The following AFF3 variants were observed in gnomAD, a reference collection of about 807,000 sequenced individuals.
AFF3 encodes ALF transcription elongation factor 3, also known as AF4/FMR2 family member 3.
AFF3 carries 32 observed loss-of-function variants against 129.7 expected under a neutral mutation model. The ratio of observed to expected loss-of-function variants is 0.25; its 90% CI spans 0.19 to 0.33. AFF3 has a LOEUF of 0.33. AFF3 is among the 10% of genes least tolerant of loss of function. AFF3 has a pLI of 1.00. For synonymous variants in AFF3, 644 were observed against 635.4 expected (o/e 1.01, Z -0.20); for missense variants, 1,373 against 1,592.0 (o/e 0.86, Z 2.34).
chr2:99,779,689 G>A (rs1050988213), intron 8 of AFF3, among the ~76,000 whole-genome samples: 30 of 152,058 alleles, frequency 2.0e-4, no homozygotes, highest in Non-Finnish European at 3.4e-4. Context: ...CACCTTTCAC[G>A]GTCTATTATT....
At chr2:99,966,677 G>A (rs1416842872) in intron 7 of AFF3, among the ~76,000 whole-genome samples, 1 of 94,452 alleles carries the variant, frequency 1.1e-5, no homozygotes, top group Non-Finnish European at 1.9e-5. Context: ...GCGACAGAGC[G>A]AGACTCCGTC....
chr2:100,076,184 T>C (rs988768081), intron 4 of AFF3, among the ~76,000 whole-genome samples: 13 of 152,244 alleles, frequency 8.5e-5, no homozygotes, highest in African/African-American at 3.1e-4. Flanking sequence ...CAAGTGCCAC[T>C]GACTGCTTCT....
chr2:99,901,639 T>C (rs1439931766), intron 7 of AFF3, among the ~76,000 whole-genome samples: 1 of 152,200 alleles, frequency 6.6e-6, no homozygotes, highest in Non-Finnish European at 1.5e-5. Flanking sequence ...TCCTCCAGTC[T>C]TTCTGAAGAG....
At chr2:99,744,602 T>C (rs1196135874) in intron 9 of AFF3, among the ~76,000 whole-genome samples, 1 of 152,178 alleles carries the variant, frequency 6.6e-6, no homozygotes, top group Non-Finnish European at 1.5e-5. Context: ...CTTGGATTTA[T>C]CTATTCTGGA....
intron 8 of AFF3, among the ~76,000 whole-genome samples, chr2:99,775,693 G>GA (rs879317982): frequency 5.3e-4 from 76 of 144,120 alleles, no homozygotes; most frequent in East Asian, 1.2e-3. Flanking sequence ...ATAAAAGTTG[G>GA]AAAAAAAAAA....
chr2:100,024,210 C>T (rs1259289012), intron 4 of AFF3, among the ~76,000 whole-genome samples: 1 of 109,728 alleles, frequency 9.1e-6, no homozygotes, highest in Non-Finnish European at 1.7e-5. Context: ...CCAGCCTGGG[C>T]GACAGAGCAA....
chr2:100,061,312 C>A (rs935580288), intron 4 of AFF3, among the ~76,000 whole-genome samples: 1 of 151,912 alleles, frequency 6.6e-6, no homozygotes, highest in African/African-American at 2.4e-5. Context: ...ATGGTTAATC[C>A]GTATGGCATT....
chr2:99,882,903 G>A (rs1311357071), intron 7 of AFF3, among the ~76,000 whole-genome samples: 1 of 152,196 alleles, frequency 6.6e-6, no homozygotes, highest in Non-Finnish European at 1.5e-5. Context: ...TGAGGAAGAA[G>A]CCAATGTCCT....
intron 12 of AFF3, among the ~76,000 whole-genome samples, chr2:99,657,338 G>A (rs1364615657): frequency 2.6e-5 from 4 of 152,142 alleles, no homozygotes; most frequent in Non-Finnish European, 4.4e-5. Context: ...AAGTTCTCAA[G>A]CTCCTCTCCA....
intron 8 of AFF3, among the ~76,000 whole-genome samples, chr2:99,779,624 C>T (rs752731861): frequency 2.6e-5 from 4 of 152,248 alleles, no homozygotes; most frequent in Admixed American, 2.0e-4. Flanking sequence ...GACCCCATCA[C>T]CCGAAGCGTA....
At chr2:99,624,221 G>A (rs1181245577) in intron 13 of AFF3, among the ~76,000 whole-genome samples, 2 of 152,010 alleles carry the variant, frequency 1.3e-5, no homozygotes, top group Admixed American at 1.3e-4. Flanking sequence ...ATTCCCCTAG[G>A]TGCTTGCTAG....
intron 7 of AFF3, among the ~76,000 whole-genome samples, chr2:99,868,017 C>CTTT (rs397779127): frequency 0.011 from 1,524 of 144,052 alleles, 22 homozygotes; most frequent in African/African-American, 0.02. Flanking sequence ...TCTTTCTTTC[C>CTTT]TTTTTTTTTT....
intron 13 of AFF3, among the ~76,000 whole-genome samples, chr2:99,605,719 T>C (rs1680265684): frequency 6.6e-6 from 1 of 152,176 alleles, no homozygotes; most frequent in South Asian, 2.1e-4. Flanking sequence ...ATAGAATTTG[T>C]TGTTGCCCAG....
Position 99,746,921 on chromosome 2 carries a change from A to C in AFF3, c.1003-2781T>G, listed in dbSNP as rs564224831. Among the ~76,000 whole-genome samples, 21 of 152,116 alleles carry C rather than the reference A, an allele frequency of 1.4e-4. 2 individuals carry two copies. The South Asian group carries it at 4.4e-3, about 32-fold the overall frequency. On this transcript the variant is annotated intron_variant, in intron 9 of 24. Coordinates refer to ENST00000672756, the MANE Select transcript of AFF3 (RefSeq NM_001386135.1). ...ACACCATCAAATGGACAAGAATGGT[A>C]ATTGACATAGTTTCCAGCATTAAGC...
intron 7 of AFF3, among the ~76,000 whole-genome samples, chr2:99,868,015 TCC>T (rs1491410833): frequency 4.6e-3 from 474 of 102,560 alleles, no homozygotes; most frequent in East Asian, 7.6e-3. Context: ...TCTCTTTCTT[TCC>T]TTTTTTTTTT....
chr2:99,590,486 T>C (rs1165285350), intron 15 of AFF3, among the ~76,000 whole-genome samples: 8 of 152,276 alleles, frequency 5.3e-5, no homozygotes. Flanking sequence ...TGCACACCAC[T>C]ATGGTCCCAT....
intron 2 of AFF3, among the ~76,000 whole-genome samples, chr2:100,113,947 A>G (rs1019698566): frequency 6.6e-6 from 1 of 152,136 alleles, no homozygotes; most frequent in Non-Finnish European, 1.5e-5. Context: ...AGGGAGATGG[A>G]AAAGGAGCCA....
chr2:100,013,880 C>G (rs1347670783), intron 4 of AFF3, among the ~76,000 whole-genome samples: 1 of 152,106 alleles, frequency 6.6e-6, no homozygotes, highest in Non-Finnish European at 1.5e-5. Context: ...TGATAAGATT[C>G]TAAAGTTGCC....
intron 7 of AFF3, among the ~76,000 whole-genome samples, chr2:99,952,034 A>G (rs1676217448): frequency 6.6e-6 from 1 of 151,922 alleles, no homozygotes; most frequent in Non-Finnish European, 1.5e-5. Flanking sequence ...AGGTTTGGTT[A>G]CTCTCCCTTT....
Sources: allele counts gnomAD v4.1 joint callset (sites outside exome capture counted in the v4.1 genomes callset), GRCh38; gene constraint gnomAD v4.1.1; transcripts MANE v1.5; gene names NCBI Gene and HGNC (gene_info 2026-07-23, HGNC 2026-07-21).